The following GPR158 variants were observed in gnomAD, a reference collection of about 807,000 sequenced individuals.
The protein encoded by GPR158 is metabotropic glycine receptor.
A neutral mutation model predicts 78.2 loss-of-function variants in GPR158; 30 were observed. The ratio of observed to expected loss-of-function variants is 0.38; its 90% confidence interval spans 0.29 to 0.52. The LOEUF is 0.52. Among genes scored for constraint, GPR158 ranks in the 20% least tolerant of loss-of-function variants. The probability of loss-of-function intolerance (pLI) is 0.83; values close to 1 mark genes in which losing one functional copy is unlikely to be tolerated. For missense variants in GPR158, 1,463 were observed against 1,523.5 expected (o/e 0.96, Z 0.66); for synonymous variants, 581 against 591.1 (o/e 0.98, Z 0.25).
intron 2 of GPR158, among the ~76,000 whole-genome samples, chr10:25,306,053 T>G (rs1463621244): frequency 6.6e-6 from 1 of 152,204 alleles, no homozygotes; most frequent in African/African-American, 2.4e-5. Flanking sequence ...TAAATTAGGC[T>G]CTTATCACTT....
At chr10:25,537,233 C>A (rs1564483092) in intron 5 of GPR158, among the ~76,000 whole-genome samples, 1 of 152,168 alleles carries the variant, frequency 6.6e-6, no homozygotes, top group Non-Finnish European at 1.5e-5. Context: ...TTCTATTGAA[C>A]TATCCATTTT....
chr10:25,370,770 T>C (rs1293319165), intron 2 of GPR158, among the ~76,000 whole-genome samples: 1 of 150,426 alleles, frequency 6.6e-6, no homozygotes, highest in Non-Finnish European at 1.5e-5. Context: ...CAGTGGGGTG[T>C]TAAAGTCTCC....
At chr10:25,440,415 T>G (rs1297004947) in intron 4 of GPR158, among the ~76,000 whole-genome samples, 1 of 152,228 alleles carries the variant, frequency 6.6e-6, no homozygotes, top group Non-Finnish European at 1.5e-5. Flanking sequence ...CTGCTTAATG[T>G]TTGTAGAAAC....
At chr10:25,440,734 AT>A (rs1387173841) in intron 4 of GPR158, among the ~76,000 whole-genome samples, 3 of 152,154 alleles carry the variant, frequency 2.0e-5, no homozygotes, top group African/African-American at 7.2e-5. Context: ...TTGTCTGCTG[AT>A]TCATTTAACT....
chr10:25,514,447 G>A (rs755877832), intron 5 of GPR158, among the ~76,000 whole-genome samples: 3 of 152,026 alleles, frequency 2.0e-5, no homozygotes, highest in Non-Finnish European at 4.4e-5. Flanking sequence ...CAGTTACTTG[G>A]TTGGTGAATT....
intron 2 of GPR158, among the ~76,000 whole-genome samples, chr10:25,281,019 CAG>C (rs1854262264): frequency 6.6e-6 from 1 of 151,438 alleles, no homozygotes; most frequent in Non-Finnish European, 1.5e-5. Flanking sequence ...CCTGTAATCT[CAG>C]ATACTGGAGA....
At chr10:25,595,837 T>C (rs1837397760) in intron 9 of GPR158, among the ~76,000 whole-genome samples, 1 of 152,226 alleles carries the variant, frequency 6.6e-6, no homozygotes, top group African/African-American at 2.4e-5. Flanking sequence ...ACCTCATGAA[T>C]GTACCAAGAA....
At chr10:25,389,597 A>C (rs1834266563) in intron 2 of GPR158, among the ~76,000 whole-genome samples, 2 of 152,196 alleles carry the variant, frequency 1.3e-5, no homozygotes, top group Admixed American at 1.3e-4. Context: ...GGAGTACAAG[A>C]ACTTGGGACC....
At chr10:25,385,210 A>G (rs1019287636) in intron 2 of GPR158, among the ~76,000 whole-genome samples, 4 of 152,162 alleles carry the variant, frequency 2.6e-5, no homozygotes, top group African/African-American at 7.2e-5. Flanking sequence ...AGGTGGTATC[A>G]TAGAGTATTT....
chr10:25,202,697 T>C (rs987205792), intron 1 of GPR158, among the ~76,000 whole-genome samples: 1 of 152,222 alleles, frequency 6.6e-6, no homozygotes, highest in Non-Finnish European at 1.5e-5. Context: ...CTATTGTGAA[T>C]AGTGCTGCAA....
intron 5 of GPR158, among the ~76,000 whole-genome samples, chr10:25,536,540 A>G (rs181420569): frequency 6.6e-6 from 1 of 152,318 alleles, no homozygotes; most frequent in Non-Finnish European, 1.5e-5. Context: ...TTTGTCCTTT[A>G]TAAAAGAAAA....
At chr10:25,283,983 T>C (rs960397157) in intron 2 of GPR158, among the ~76,000 whole-genome samples, 3 of 152,110 alleles carry the variant, frequency 2.0e-5, no homozygotes, top group Non-Finnish European at 4.4e-5. Flanking sequence ...AAACATACTT[T>C]GTGTGGTATG....
intron 2 of GPR158, among the ~76,000 whole-genome samples, chr10:25,340,581 T>C (rs1411213282): frequency 6.6e-6 from 1 of 151,950 alleles, no homozygotes; most frequent in African/African-American, 2.4e-5. Context: ...ATAACTCAAG[T>C]AGTGAGAACC....
Position 25,601,832 on chromosome 10 carries a change from T to C in GPR158, c.*2558T>C, listed in dbSNP as rs570147614. 6.5e-6 allele frequency: 1 copy of C among 152,786 alleles called. No individual in the cohort carries two copies. Among genetic ancestry groups the C allele is most frequent in the South Asian group, 2.1e-4 (1 of 4,832 alleles). 9.5% of individuals were successfully genotyped at this position (152,786 alleles called of 1,614,324 possible). ...GTCCTTGTTTTTAAGCCAGGGTTTA[T>C]AAATAAGTAGATTTATACCAATCTT... is the stretch of plus-strand genomic sequence containing the variant. On this transcript the variant is annotated 3_prime_UTR_variant, in exon 11 of 11. Transcript: ENST00000376351.
intron 7 of GPR158, among the ~76,000 whole-genome samples, chr10:25,582,358 G>A (rs903149279): frequency 1.6e-4 from 24 of 152,130 alleles, no homozygotes; most frequent in African/African-American, 5.6e-4. Flanking sequence ...CCAGAGTTCT[G>A]TCACCCCATG....
intron 1 of GPR158, among the ~76,000 whole-genome samples, chr10:25,192,280 A>G (rs533654415): frequency 6.6e-6 from 1 of 152,274 alleles, no homozygotes; most frequent in African/African-American, 2.4e-5. Flanking sequence ...ACCTTCCGCC[A>G]CGGTTTTAAG....
chr10:25,191,520 A>T (rs1242497755), intron 1 of GPR158, among the ~76,000 whole-genome samples: 1 of 152,252 alleles, frequency 6.6e-6, no homozygotes. Flanking sequence ...TATTAAACAC[A>T]AAGTCTTTGT....
intron 2 of GPR158, among the ~76,000 whole-genome samples, chr10:25,295,355 T>C (rs940837336): frequency 6.6e-6 from 1 of 152,240 alleles, no homozygotes; most frequent in African/African-American, 2.4e-5. Flanking sequence ...CCAGAGTAAC[T>C]GACTTCAACA....
At chr10:25,180,786 T>G (rs11014434) in intron 1 of GPR158, among the ~76,000 whole-genome samples, 1 of 151,624 alleles carries the variant, frequency 6.6e-6, no homozygotes, top group South Asian at 2.1e-4. Context: ...ATAAATCCAG[T>G]ACCTTGTGGA....
Sources: gnomAD v4.1 joint callset for allele counts (sites outside exome capture counted in the v4.1 genomes callset) on GRCh38, gnomAD v4.1.1 for gene constraint, MANE v1.5 for transcripts, NCBI Gene and HGNC (gene_info 2026-07-23, HGNC 2026-07-21) for gene names.